ODAD2: variants seen among roughly 807,000 people sequenced by gnomAD.
The protein encoded by ODAD2 is outer dynein arm docking complex subunit 2.
A neutral mutation model predicts 106.8 loss-of-function variants in ODAD2; 89 were observed. The observed-to-expected ratio is 0.83, with a 90% CI of 0.70 to 0.99. ODAD2 has a LOEUF of 0.99. Ranked by LOEUF, ODAD2 falls within the 50% of genes least tolerant of loss-of-function variation. The pLI is 0.00. For synonymous variants in ODAD2, 404 were observed against 436.2 expected, an observed-to-expected ratio of 0.93 and a Z score of 0.92; for missense variants, 1,168 against 1,238.5, an observed-to-expected ratio of 0.94 and a Z score of 0.85.
intron 10 of ODAD2, chr10:27,957,658 G>A (rs1219263397): frequency 7.2e-5 from 11 of 152,128 alleles, no homozygotes; most frequent in Non-Finnish European, 4.4e-5. Context: ...ATTAAATTGT[G>A]TTCAAAAAAT....
chr10:27,871,580 C>A (rs1840892760), intron 17 of ODAD2, among the ~76,000 whole-genome samples: 1 of 152,164 alleles, frequency 6.6e-6, no homozygotes, highest in Admixed American at 6.6e-5. Flanking sequence ...ATATGGCTAG[C>A]CAGTTTTCCC....
chr10:27,914,055 A>G (rs1844194436), intron 16 of ODAD2, among the ~76,000 whole-genome samples: 1 of 152,174 alleles, frequency 6.6e-6, no homozygotes, highest in Non-Finnish European at 1.5e-5. Flanking sequence ...AGCAAAATTC[A>G]CAGTAGCAAA....
intron 19 of ODAD2, among the ~76,000 whole-genome samples, chr10:27,837,746 C>T (rs1018610859): frequency 6.6e-6 from 1 of 152,136 alleles, no homozygotes; most frequent in Non-Finnish European, 1.5e-5. Flanking sequence ...CGTAGAGAAT[C>T]AAGTGTTTAT....
At chr10:27,835,484 A>G (rs369654608) in intron 19 of ODAD2, among the ~76,000 whole-genome samples, 1 of 152,170 alleles carries the variant, frequency 6.6e-6, no homozygotes, top group East Asian at 1.9e-4. Flanking sequence ...CTCTCTGTAC[A>G]GTTGATGTCT....
Position 27,898,385 on chromosome 10 carries a change from G to A in ODAD2, c.2610+9278C>T, listed in dbSNP as rs181757711. 2.1e-4 allele frequency among the ~76,000 whole-genome samples: 32 copies of A among 152,076 alleles called. No homozygotes were observed. In the East Asian group the frequency reaches 5.6e-3, roughly 27 times the overall value. On this transcript the variant is annotated intron_variant, in intron 17 of 19. Transcript: ENST00000305242. ...AATAACAGTTTATGTGAACCCTTAG[G>A]TGTTTCTGAGAATATTAATTTTAAA...
chr10:27,862,377 C>T, intron 18 of ODAD2, 57 bp downstream of exon 18: 3 of 1,405,690 alleles, frequency 2.1e-6, no homozygotes, highest in Non-Finnish European at 2.9e-6. Flanking sequence ...GTTTTCATCA[C>T]TACACCATGA....
intron 17 of ODAD2, among the ~76,000 whole-genome samples, chr10:27,864,212 A>G (rs1485236777): frequency 6.6e-6 from 1 of 151,236 alleles, no homozygotes; most frequent in African/African-American, 2.4e-5. Context: ...GAAGATAGAG[A>G]TGAGTGATTT....
At chr10:27,921,253 C>A (rs554394143) in intron 16 of ODAD2, among the ~76,000 whole-genome samples, 1 of 151,224 alleles carries the variant, frequency 6.6e-6, no homozygotes, top group Non-Finnish European at 1.5e-5. Flanking sequence ...CCTCATCATG[C>A]CACTGTACTT....
chr10:27,831,015 T>C lies in ODAD2; in HGVS notation c.3022-18390A>G, dbSNP rs116484491. ...ACTGCTGATCAGCTGAGATGTGATG[T>C]TAAAGGCACCATGAGAAAAACACAG... On this transcript the variant is annotated intron_variant, in intron 19 of 19. Coordinates refer to ENST00000305242, the MANE Select transcript of ODAD2 (RefSeq NM_018076.5). 4.9e-3 allele frequency among the ~76,000 whole-genome samples: 748 copies of C among 152,286 alleles called. 9 individuals carry two copies. The highest frequency in any genetic ancestry group is 0.017 in the African/African-American group (691 of 41,560).
intron 3 of ODAD2, 123 bp downstream of exon 3, chr10:27,987,263 T>C (rs1849928652): frequency 4.8e-6 from 4 of 834,914 alleles, no homozygotes. Flanking sequence ...TTTGACTTTT[T>C]ACCTTGTAGA....
chr10:27,927,062 G>C (rs1481507104), intron 16 of ODAD2, among the ~76,000 whole-genome samples: 1 of 152,028 alleles, frequency 6.6e-6, no homozygotes, highest in East Asian at 1.9e-4. Context: ...AATTTATATT[G>C]AGTTTTTAAA....
chr10:27,937,018 T>C, intron 14 of ODAD2, 138 bp from the exon 15 acceptor site: 1 of 777,184 alleles, frequency 1.3e-6, no homozygotes, highest in South Asian at 2.1e-5. Context: ...CCAAGTAAAA[T>C]ATAATTCATC....
intron 17 of ODAD2, among the ~76,000 whole-genome samples, chr10:27,886,427 T>C (rs1408069302): frequency 6.6e-6 from 1 of 152,072 alleles, no homozygotes; most frequent in East Asian, 1.9e-4. Flanking sequence ...AAAACTGTCT[T>C]TCAAGAATGA....
chr10:27,938,597 C>T (rs371687867), intron 14 of ODAD2, among the ~76,000 whole-genome samples: 5 of 149,186 alleles, frequency 3.4e-5, no homozygotes, highest in Non-Finnish European at 5.9e-5. Context: ...TCTGTCTCTT[C>T]TTTTTTCTTT....
intron 10 of ODAD2, among the ~76,000 whole-genome samples, chr10:27,948,964 G>A (rs1847140951): frequency 6.6e-6 from 1 of 151,674 alleles, no homozygotes; most frequent in African/African-American, 2.4e-5. Context: ...TGAAAGACAA[G>A]ACGAATTAAA....
intron 17 of ODAD2, among the ~76,000 whole-genome samples, chr10:27,882,225 GAAAGAAAGAAAT>G (rs1186295462): frequency 1.2e-3 from 179 of 150,836 alleles, no homozygotes; most frequent in Non-Finnish European, 1.9e-3. Context: ...AAGAAAGAAA[GAAAGAAAGAAAT>G]ATGAACTCTC....
chr10:27,838,967 CATCATCTTATGCCA>C (rs1232817439), intron 19 of ODAD2, among the ~76,000 whole-genome samples: 1 of 152,206 alleles, frequency 6.6e-6, no homozygotes, highest in Non-Finnish European at 1.5e-5. Flanking sequence ...CATGTGCCAG[CATCATCTTATGCCA>C]ATCTAACGCT....
chr10:27,977,728 C>G (rs1564570148), intron 7 of ODAD2, among the ~76,000 whole-genome samples: 1 of 152,020 alleles, frequency 6.6e-6, no homozygotes, highest in East Asian at 1.9e-4. Context: ...AAAAAACAGA[C>G]AAAGAGTCCA....
intron 10 of ODAD2, among the ~76,000 whole-genome samples, chr10:27,946,943 G>T (rs560061882): frequency 2.0e-5 from 3 of 152,092 alleles, no homozygotes; most frequent in African/African-American, 7.2e-5. Flanking sequence ...CTCAACAACT[G>T]TCCCGTGAAG....
Sources: gnomAD v4.1 joint callset for allele counts (sites outside exome capture counted in the v4.1 genomes callset) on GRCh38, gnomAD v4.1.1 for gene constraint, MANE v1.5 for transcripts, NCBI Gene and HGNC (gene_info 2026-07-23, HGNC 2026-07-21) for gene names.